Variants in ABCA10 observed in about 807,000 individuals in gnomAD.
The protein encoded by ABCA10 is ATP binding cassette subfamily A member 10, also known as ATP-binding cassette sub-family A member 10.
In ABCA10, 169 loss-of-function variants were observed where a neutral mutation model predicts 187.5. The ratio of observed to expected loss-of-function variants is 0.90; its 90% confidence interval spans 0.80 to 1.02. The LOEUF is 1.02. Ranked by LOEUF, ABCA10 falls within the 50% of genes least tolerant of loss-of-function variation. ABCA10 has a pLI of 0.00. For missense variants in ABCA10, 1,727 were observed against 1,812.4 expected, an observed-to-expected ratio of 0.95 and a Z score of 0.86; for synonymous variants, 574 against 601.8, an observed-to-expected ratio of 0.95 and a Z score of 0.68.
chr17:69,219,695 G>A lies in ABCA10; in HGVS notation c.380C>T (p.Ser127Phe). Residue 127 changes from serine (S) to phenylalanine (F), a missense_variant, in exon 6 of 39, where the codon TCT (serine) becomes TTT (phenylalanine). Coordinates refer to ENST00000690296, the MANE Select transcript of ABCA10 (RefSeq NM_001377321.1). Reference sequence around the variant, plus strand: ...CCATTCATTCATAATTTCTCCCTTAGAAATGAAAGGTGGTATCTTCATATT... The same window carrying A: ...CCATTCATTCATAATTTCTCCCTTAAAAATGAAAGGTGGTATCTTCATATT... Reference protein sequence around the residue: ...GINMKIPPFISKGEIMNEWFH... With the variant: ...GINMKIPPFIFKGEIMNEWFH... 1 of 1,611,526 alleles carries A rather than the reference G, an allele frequency of 6.2e-7. No individual in the cohort carries two copies. Among genetic ancestry groups the A allele is most frequent in the Admixed American group, 1.7e-5 (1 of 59,848 alleles).
chr17:69,192,543 A>G lies in ABCA10; in HGVS notation c.1871+20T>C. 6.3e-7 allele frequency: 1 copy of G among 1,577,942 alleles called. No individual in the cohort carries two copies. Among genetic ancestry groups the G allele is most frequent in the Non-Finnish European group, 8.7e-7 (1 of 1,153,494 alleles). ...ATATTAATATGCTCATTTAAAAATAACTACACCTAGAATACATACCTTAAA... is the reference window on the plus strand; with the variant it reads ...ATATTAATATGCTCATTTAAAAATAGCTACACCTAGAATACATACCTTAAA... On this transcript the variant is annotated intron_variant, in intron 16 of 38. Coordinates refer to ENST00000690296, the MANE Select transcript of ABCA10 (RefSeq NM_001377321.1).
intron 22 of ABCA10, among the ~76,000 whole-genome samples, chr17:69,180,319 G>A (rs750344859): frequency 2.6e-5 from 4 of 152,082 alleles, no homozygotes; most frequent in Non-Finnish European, 5.9e-5. Context: ...TCTGCTCCGT[G>A]CAATGCATCA....
intron 25 of ABCA10, among the ~76,000 whole-genome samples, chr17:69,170,992 C>CT (rs1354804106): frequency 3.9e-5 from 6 of 152,216 alleles, no homozygotes; most frequent in Non-Finnish European, 8.8e-5. Flanking sequence ...GCATGATACT[C>CT]TAAGTTGGCT....
At chr17:69,192,431 T>C (rs768962298) in intron 16 of ABCA10, 132 bp downstream of exon 16, 31 of 682,254 alleles carry the variant, frequency 4.5e-5, no homozygotes, top group Non-Finnish European at 6.7e-5. Flanking sequence ...AGGAAGACAT[T>C]TTGAGCTGTT....
chr17:69,162,074 A>C (rs778188594), intron 27 of ABCA10, among the ~76,000 whole-genome samples: 1 of 152,236 alleles, frequency 6.6e-6, no homozygotes, highest in Non-Finnish European at 1.5e-5. Context: ...TTCAATTCAC[A>C]TAATTCCGAT....
chr17:69,175,567 A>C, intron 22 of ABCA10, 54 bp from the exon 23 acceptor site: 5 of 1,342,172 alleles, frequency 3.7e-6, no homozygotes, highest in Non-Finnish European at 5.1e-6. Context: ...AATTATACAA[A>C]CATTATAAGA....
At chr17:69,232,563 A>T (rs987366802), upstream of ABCA10, among the ~76,000 whole-genome samples, 1 of 152,132 alleles carries the variant, frequency 6.6e-6, no homozygotes, top group South Asian at 2.1e-4. Context: ...TAAATTTTAC[A>T]TTTTATATTG....
intron 21 of ABCA10, 22 bp from the exon 22 acceptor site, chr17:69,182,312 A>G (rs2074386114): frequency 2.1e-6 from 3 of 1,433,694 alleles, no homozygotes; most frequent in East Asian, 2.6e-5. Flanking sequence ...GTACACAAAT[A>G]TAAGTTATAA....
In ABCA10 at chr17:69,153,320, C is replaced by T. The variant is rs1271894750; in HGVS notation, c.4121G>A (p.Gly1374Glu). 6.2e-7 allele frequency: 1 copy of T among 1,612,108 alleles called. No individual in the cohort carries two copies. Among genetic ancestry groups the T allele is most frequent in the Admixed American group, 1.7e-5 (1 of 59,658 alleles). The change falls in exon 34 of 39, where the codon GGG becomes GAG. Residue 1374 changes from glycine to glutamate, a missense_variant. By Grantham distance (98) the Gly-to-Glu change is moderately conservative (BLOSUM62 -2). Transcript: ENST00000690296. ...DEPFTGMDPE[G>E]QQQMWQILQA... ...CTCTCCTTACCACATTTGCTGCTGC[C>T]CCTCGGGGTCCATCCCGGTGAACGG...
intron 11 of ABCA10, among the ~76,000 whole-genome samples, chr17:69,196,828 C>T (rs758563384): frequency 7.2e-5 from 11 of 152,184 alleles, no homozygotes; most frequent in Non-Finnish European, 1.5e-4. Flanking sequence ...CCGGCCAACA[C>T]GGCAAAACCC....
At chr17:69,217,213 C>G (rs2074712935) in intron 6 of ABCA10, among the ~76,000 whole-genome samples, 1 of 151,168 alleles carries the variant, frequency 6.6e-6, no homozygotes. Flanking sequence ...TGCCATTGCA[C>G]TCCAGCCTGG....
intron 9 of ABCA10, among the ~76,000 whole-genome samples, chr17:69,209,594 T>C (rs2074621014): frequency 6.6e-6 from 1 of 152,122 alleles, no homozygotes; most frequent in Non-Finnish European, 1.5e-5. Flanking sequence ...ATAAGTAGGG[T>C]TTGAAAATAA....
intron 11 of ABCA10, among the ~76,000 whole-genome samples, chr17:69,195,559 T>TTTTTTC (rs1336731428): frequency 4.9e-5 from 7 of 143,094 alleles, no homozygotes; most frequent in Non-Finnish European, 1.1e-4. Context: ...TTTTTCTTTT[T>TTTTTTC]TTTTTTTTTT....
At chr17:69,217,044 G>A (rs1455655122) in intron 6 of ABCA10, among the ~76,000 whole-genome samples, 3 of 152,006 alleles carry the variant, frequency 2.0e-5, no homozygotes, top group South Asian at 2.1e-4. Context: ...TCAGGAGTTC[G>A]AGAACAGCCT....
intron 10 of ABCA10, among the ~76,000 whole-genome samples, chr17:69,200,657 A>C (rs970727978): frequency 2.6e-5 from 4 of 152,208 alleles, no homozygotes; most frequent in African/African-American, 9.7e-5. Context: ...ATATATGCTT[A>C]ATTATCTTAT....
intron 18 of ABCA10, among the ~76,000 whole-genome samples, chr17:69,189,841 G>A (rs974335839): frequency 5.3e-5 from 8 of 152,186 alleles, no homozygotes; most frequent in Middle Eastern, 3.4e-3. Flanking sequence ...TAGGTTTGTG[G>A]CTTTATTGCT....
At chr17:69,217,843 T>A (rs1357088964) in intron 6 of ABCA10, among the ~76,000 whole-genome samples, 1 of 152,182 alleles carries the variant, frequency 6.6e-6, no homozygotes, top group Non-Finnish European at 1.5e-5. Context: ...GAAAATTATA[T>A]CATTTTATTA....
intron 22 of ABCA10, among the ~76,000 whole-genome samples, chr17:69,179,800 C>T (rs2074365287): frequency 6.6e-6 from 1 of 152,156 alleles, no homozygotes; most frequent in African/African-American, 2.4e-5. Context: ...CAAATACCAT[C>T]TTTCTTCCTC....
intron 10 of ABCA10, among the ~76,000 whole-genome samples, chr17:69,199,180 A>G (rs980395236): frequency 2.6e-5 from 4 of 152,140 alleles, no homozygotes; most frequent in Non-Finnish European, 5.9e-5. Context: ...CTTAAGAGTC[A>G]CCTCCTTTTG....
Sources: allele counts gnomAD v4.1 joint callset (sites outside exome capture counted in the v4.1 genomes callset), GRCh38; gene constraint gnomAD v4.1.1; transcripts MANE v1.5; gene names NCBI Gene and HGNC (gene_info 2026-07-23, HGNC 2026-07-21).